The following NXF2 variants were observed in gnomAD, a reference collection of about 807,000 sequenced individuals.
NXF2 encodes the protein nuclear RNA export factor 2.
At chrX:102,252,281 C>T (rs1445152309) in intron 2 of NXF2, among the ~76,000 whole-genome samples, 2 of 53,913 alleles carry the variant, frequency 3.7e-5, no homozygotes, top group Non-Finnish European at 6.9e-5. Flanking sequence ...GCGTGAGCCA[C>T]CCCCCTCCCC....
intron 2 of NXF2, among the ~76,000 whole-genome samples, chrX:102,281,728 A>ACCCCCCCCCCC (rs61468793): frequency 5.4e-5 from 3 of 55,637 alleles, no homozygotes; most frequent in African/African-American, 7.0e-5. Flanking sequence ...ATGTCGTGTG[A>ACCCCCCCCCCC]CCCCCCCCCT....
chrX:102,254,075 C>G (rs1933834269), intron 2 of NXF2, among the ~76,000 whole-genome samples: 1 of 22,370 alleles, frequency 4.5e-5, no homozygotes, highest in Non-Finnish European at 8.0e-5. Context: ...ACTATTATTT[C>G]ATTGTTATAG....
chrX:102,294,018 A>G (rs1226731630), intron 2 of NXF2, among the ~76,000 whole-genome samples: 2 of 72,051 alleles, frequency 2.8e-5, no homozygotes, highest in Non-Finnish European at 4.8e-5. Flanking sequence ...AAGACAGTGC[A>G]GAGAAAAGTA....
At chrX:102,282,275 G>A (rs1933925947) in intron 2 of NXF2, among the ~76,000 whole-genome samples, 1 of 112,294 alleles carries the variant, frequency 8.9e-6, no homozygotes, top group East Asian at 2.9e-4. Context: ...TCCCTCTGTT[G>A]GGGGGGCATG....
intron 2 of NXF2, among the ~76,000 whole-genome samples, chrX:102,298,463 CAAAAAAAAAAAAA>C (rs782746819): frequency 5.2e-5 from 2 of 38,801 alleles, no homozygotes; most frequent in East Asian, 1.6e-3. Flanking sequence ...GTGAGTTATG[CAAAAAAAAAAAAA>C]AAAAAAAAAA....
At chrX:102,282,277 G>C (rs1280896245) in intron 2 of NXF2, among the ~76,000 whole-genome samples, 5 of 112,779 alleles carry the variant, frequency 4.4e-5, no homozygotes, top group African/African-American at 6.4e-5. Flanking sequence ...CCTCTGTTGG[G>C]GGGGCATGAG....
At chrX:102,251,863 G>A (rs1286923515) in intron 2 of NXF2, among the ~76,000 whole-genome samples, 3 of 103,116 alleles carry the variant, frequency 2.9e-5, no homozygotes, top group Non-Finnish European at 4.0e-5. Context: ...CATCACTTTC[G>A]TTTATCCTTA....
At chrX:102,281,651 G>A (rs1933915285) in intron 2 of NXF2, among the ~76,000 whole-genome samples, 1 of 105,644 alleles carries the variant, frequency 9.5e-6, no homozygotes, top group African/African-American at 3.5e-5. Context: ...GCCACAAGGT[G>A]TGCAGCCTGG....
intron 2 of NXF2, among the ~76,000 whole-genome samples, chrX:102,282,580 A>T (rs1248498560): frequency 1.1e-5 from 1 of 88,066 alleles, no homozygotes; most frequent in Non-Finnish European, 2.2e-5. Flanking sequence ...AGGGTTTTTG[A>T]CATGAAGGGA....
chrX:102,274,506 TTCTTCTTCTTCTTCTTCC>T (rs1242780970), intron 2 of NXF2, among the ~76,000 whole-genome samples: 101 of 3,836 alleles, frequency 0.026, 27 homozygotes, highest in Non-Finnish European at 0.043. Flanking sequence ...CTTCTTCTTC[TTCTTCTTCTTCTTCTTCC>T]TCTTCCTCTT....
intron 2 of NXF2, among the ~76,000 whole-genome samples, chrX:102,282,343 C>T (rs1933927261): frequency 8.7e-6 from 1 of 114,910 alleles, no homozygotes; most frequent in Admixed American, 9.1e-5. Context: ...GAGGTCATTG[C>T]TTCACAAATG....
chrX:102,281,901 C>T (rs1167471776), intron 2 of NXF2, among the ~76,000 whole-genome samples: 63 of 72,640 alleles, frequency 8.7e-4, no homozygotes, highest in African/African-American at 2.8e-3. Flanking sequence ...CTCCGCCTCC[C>T]GGGTTCACGC....
chrX:102,254,457 T>C (rs1933836349), intron 2 of NXF2, among the ~76,000 whole-genome samples: 1 of 87,395 alleles, frequency 1.1e-5, no homozygotes, highest in South Asian at 7.4e-4. Context: ...CATACTGTTT[T>C]CCATAATGAT....
At chrX:102,298,547 G>GTT (rs1934005607) in intron 2 of NXF2, among the ~76,000 whole-genome samples, 1 of 82,753 alleles carries the variant, frequency 1.2e-5, no homozygotes, top group African/African-American at 4.4e-5. Context: ...AACAGTCATT[G>GTT]TTTTTCAGGC....
At chrX:102,289,776 T>C (rs782240431) in intron 2 of NXF2, among the ~76,000 whole-genome samples, 2 of 104,481 alleles carry the variant, frequency 1.9e-5, no homozygotes, top group South Asian at 7.1e-4. Context: ...GTTCCGTTGG[T>C]CTATATCTCT....
intron 2 of NXF2, among the ~76,000 whole-genome samples, chrX:102,252,176 A>G (rs1267813201): frequency 9.8e-4 from 73 of 74,352 alleles, no homozygotes; most frequent in Non-Finnish European, 1.6e-3. Flanking sequence ...TATTTTTAGT[A>G]GAGACGGGGT....
intron 2 of NXF2, among the ~76,000 whole-genome samples, chrX:102,294,099 G>A (rs1286101653): frequency 1.4e-4 from 12 of 85,077 alleles, no homozygotes; most frequent in Admixed American, 1.0e-3. Flanking sequence ...TAAATGACGA[G>A]TTAATGGGTG....
intron 2 of NXF2, among the ~76,000 whole-genome samples, chrX:102,298,485 A>G (rs1934004391): frequency 1.2e-5 from 1 of 82,446 alleles, no homozygotes; most frequent in African/African-American, 4.5e-5. Context: ...AAAAAAAAAA[A>G]AGGAAGGACC....
intron 2 of NXF2, among the ~76,000 whole-genome samples, chrX:102,251,530 C>T (rs1373255896): frequency 5.4e-5 from 1 of 18,473 alleles, no homozygotes; most frequent in East Asian, 1.0e-3. Context: ...GCCTCACTAA[C>T]AGAACATGTT....
Sources: allele counts gnomAD v4.1 joint callset (sites outside exome capture counted in the v4.1 genomes callset), GRCh38; gene constraint gnomAD v4.1.1; transcripts MANE v1.5; gene names NCBI Gene and HGNC (gene_info 2026-07-23, HGNC 2026-07-21).